The following GMDS variants were observed in gnomAD, a reference collection of about 807,000 sequenced individuals.
The protein encoded by GMDS is GDP-mannose 4,6 dehydratase.
Under a neutral mutation model 49.9 loss-of-function variants are expected in GMDS, and 20 were observed. The observed-to-expected ratio is 0.40, with a 90% confidence interval of 0.28 to 0.58. The LOEUF (loss-of-function observed/expected upper bound fraction) is 0.58, where lower values mean the gene tolerates loss of function less well. Among genes scored for constraint, GMDS ranks in the 20% least tolerant of loss-of-function variants. GMDS has a pLI of 0.42. For missense variants in GMDS, 362 were observed against 481.4 expected (o/e 0.75, Z 2.32); for synonymous variants, 177 against 178.6 (o/e 0.99, Z 0.07).
chr6:2,074,582 C>T (rs139382555), intron 4 of GMDS, among the ~76,000 whole-genome samples: 1 of 152,278 alleles, frequency 6.6e-6, no homozygotes, highest in Non-Finnish European at 1.5e-5. Flanking sequence ...AAATCTTTGT[C>T]TAGAACAACA....
intron 9 of GMDS, among the ~76,000 whole-genome samples, chr6:1,696,141 C>T (rs1209538218): frequency 5.9e-5 from 9 of 152,180 alleles, no homozygotes; most frequent in Non-Finnish European, 1.2e-4. Context: ...TGGCTCAGTG[C>T]TCCAGGGTTC....
chr6:1,952,083 C>T, intron 6 of GMDS: 1 of 736,824 alleles, frequency 1.4e-6, no homozygotes, highest in Non-Finnish European at 1.7e-6. Flanking sequence ...TTATTGGCTT[C>T]ACGACCTTGG....
In GMDS at chr6:1,833,541, T is replaced by TC. The variant is rs1756778424; in HGVS notation, c.772-90956dup. ...TGCCTTTTCTTCCTTTCCCTTCTCC[T>TC]CCCCTTCCTGAGGGAACATAACACA... On this transcript the variant is annotated intron_variant, in intron 7 of 10. Coordinates refer to ENST00000380815, the MANE Select transcript of GMDS (RefSeq NM_001500.4). The surrounding 1 kb of genome is among the most constrained non-coding windows in gnomAD (Gnocchi z 4.4). Among the ~76,000 whole-genome samples the TC allele has an allele frequency of 6.6e-6, 1 of 151,922 alleles. No individual in the cohort carries two copies. The highest frequency in any genetic ancestry group is 2.1e-4 in the South Asian group (1 of 4,804).
chr6:1,693,310 C>T lies in GMDS; in HGVS notation c.987+33106G>A, dbSNP rs187417526. Among the ~76,000 whole-genome samples, 6 of 152,332 alleles carry T rather than the reference C, an allele frequency of 3.9e-5. No individual in the cohort carries two copies. In the East Asian group the frequency reaches 7.7e-4, roughly 20 times the overall value. ...ACTGCCCTGACTGCTCCAGGGGCAC[C>T]TCTGCAGATCTCTGGAGCAATCACT... On this transcript the variant is annotated intron_variant, in intron 9 of 10. Transcript: ENST00000380815.
chr6:1,803,561 C>T (rs2113663769), intron 7 of GMDS, among the ~76,000 whole-genome samples: 1 of 151,834 alleles, frequency 6.6e-6, no homozygotes, highest in South Asian at 2.1e-4. Flanking sequence ...CAAAATGCTC[C>T]CTTCCCGTCC....
intron 7 of GMDS, among the ~76,000 whole-genome samples, chr6:1,886,590 G>T (rs1459713651): frequency 6.6e-6 from 1 of 152,040 alleles, no homozygotes; most frequent in Non-Finnish European, 1.5e-5. Flanking sequence ...AAGGAACAAT[G>T]ACCACCTTAC....
intron 7 of GMDS, among the ~76,000 whole-genome samples, chr6:1,884,379 C>T (rs9503036): frequency 0.012 from 1,896 of 152,240 alleles, 42 homozygotes; most frequent in African/African-American, 0.042. Flanking sequence ...AATGATGTAG[C>T]GTTAACCAGG....
At chr6:1,812,912 T>C (rs1330965585) in intron 7 of GMDS, among the ~76,000 whole-genome samples, 1 of 152,144 alleles carries the variant, frequency 6.6e-6, no homozygotes, top group Admixed American at 6.5e-5. Flanking sequence ...TTTTTATTAT[T>C]CTCTAGGTGC....
chr6:2,123,510 A>C (rs3800156), intron 2 of GMDS, among the ~76,000 whole-genome samples: 1 of 152,112 alleles, frequency 6.6e-6, no homozygotes, highest in African/African-American at 2.4e-5. Flanking sequence ...TCTGAAACAC[A>C]GTATGGGCAT....
At chr6:1,999,914 TATATACATA>T (rs1561961348) in intron 4 of GMDS, among the ~76,000 whole-genome samples, 12 of 96,492 alleles carry the variant, frequency 1.2e-4, no homozygotes, top group South Asian at 3.1e-4. Flanking sequence ...ATATATATAT[TATATACATA>T]TTATATATTA....
chr6:1,784,657 G>T (rs917109720), intron 7 of GMDS, among the ~76,000 whole-genome samples: 4 of 152,162 alleles, frequency 2.6e-5, no homozygotes, highest in African/African-American at 9.7e-5. Context: ...TCATGTGATT[G>T]ACACCCTTAT....
rs190344652 is a variant in GMDS, at chr6:2,145,257, G to A, written c.103-20526C>T. 1.8e-3 allele frequency among the ~76,000 whole-genome samples: 275 copies of A among 152,200 alleles called. 1 individual carries two copies. The highest frequency in any genetic ancestry group is 6.5e-3 in the African/African-American group (268 of 41,528). ...GCCTTAAATATCAAATTTTTAGACC[G>A]GGCACGGTGGCTCATGCCTGTAATC... is the stretch of plus-strand genomic sequence containing the variant. On this transcript the variant is annotated intron_variant, in intron 1 of 10. Coordinates refer to ENST00000380815, the MANE Select transcript of GMDS (RefSeq NM_001500.4).
chr6:2,172,757 C>T (rs1778082407), intron 1 of GMDS, among the ~76,000 whole-genome samples: 1 of 151,812 alleles, frequency 6.6e-6, no homozygotes, highest in South Asian at 2.1e-4. Flanking sequence ...AAAACTGGTG[C>T]CCCAAAACCT....
rs774169486 is a variant in GMDS at position 2,117,504 on chromosome 6, T to A, written c.200A>T (p.His67Leu). Reference sequence around the variant, plus strand: ...GTGAGCCTGGGGATTCTTATACAGATGCTCAATTCGACCCGTATTAAATGA... The same window carrying A: ...GTGAGCCTGGGGATTCTTATACAGAAGCTCAATTCGACCCGTATTAAATGA... ...SSSFNTGRIE[H>L]LYKNPQAHIE... The change falls in exon 3 of 11, where the codon CAT (histidine) becomes CTT (leucine). Residue 67 changes from histidine (H) to leucine (L), a missense_variant. Coordinates refer to ENST00000380815, the MANE Select transcript of GMDS (RefSeq NM_001500.4). 2 of 1,608,178 alleles carry A rather than the reference T, an allele frequency of 1.2e-6. No individual in the cohort carries two copies. Among genetic ancestry groups the A allele is most frequent in the Non-Finnish European group, 1.7e-6 (2 of 1,174,568 alleles).
chr6:1,884,933 C>G (rs535716260), intron 7 of GMDS, among the ~76,000 whole-genome samples: 1 of 152,290 alleles, frequency 6.6e-6, no homozygotes, highest in African/African-American at 2.4e-5. Context: ...TTTATCTATA[C>G]GCTCCCTAAC....
chr6:1,902,825 C>A (rs187052002), intron 7 of GMDS, among the ~76,000 whole-genome samples: 9 of 152,236 alleles, frequency 5.9e-5, no homozygotes, highest in African/African-American at 2.2e-4. Context: ...CTGTTCAGCA[C>A]ATAAACTATT....
intron 1 of GMDS, among the ~76,000 whole-genome samples, chr6:2,222,279 C>A (rs1348042035): frequency 2.0e-5 from 3 of 152,190 alleles, no homozygotes; most frequent in Non-Finnish European, 4.4e-5. Context: ...GAGCTGCTTT[C>A]CCTAGGCGTC....
intron 7 of GMDS, among the ~76,000 whole-genome samples, chr6:1,910,971 C>A (rs996731615): frequency 2.6e-5 from 4 of 152,076 alleles, no homozygotes; most frequent in Non-Finnish European, 4.4e-5. Context: ...ATTAAATGTA[C>A]CACTAAAAAG....
intron 4 of GMDS, among the ~76,000 whole-genome samples, chr6:2,023,484 G>A (rs905702060): frequency 4.6e-5 from 7 of 152,236 alleles, no homozygotes; most frequent in Non-Finnish European, 7.3e-5. Flanking sequence ...CCCTTCAGGG[G>A]CCCTTCTGCA....
Sources: gnomAD v4.1 joint callset for allele counts (sites outside exome capture counted in the v4.1 genomes callset) on GRCh38, gnomAD v4.1.1 for gene constraint, Gnocchi (gnomAD v3.1) non-coding constraint, MANE v1.5 for transcripts, NCBI Gene and HGNC (gene_info 2026-07-23, HGNC 2026-07-21) for gene names.